The following MOV10L1 variants were observed in gnomAD, a reference collection of about 807,000 sequenced individuals.
MOV10L1 encodes the protein Mov10 like RNA helicase 1.
MOV10L1 carries 110 observed loss-of-function variants against 143.8 expected under a neutral mutation model. The ratio of observed to expected loss-of-function variants is 0.76; its 90% CI spans 0.66 to 0.90. MOV10L1 has a LOEUF of 0.90. MOV10L1 is among the 40% of genes least tolerant of loss of function. The pLI, the probability that MOV10L1 is intolerant of heterozygous loss-of-function variation, is 0.00. For synonymous variants in MOV10L1, 593 were observed against 581.1 expected (o/e 1.02, Z -0.29); for missense variants, 1,406 against 1,526.8 (o/e 0.92, Z 1.32).
chr22:50,103,084 A>C (rs1429455922), intron 3 of MOV10L1, among the ~76,000 whole-genome samples: 2 of 152,118 alleles, frequency 1.3e-5, no homozygotes, highest in African/African-American at 2.4e-5. Context: ...GGCCTGGGTC[A>C]GGTTCTGTCC....
intron 8 of MOV10L1, 147 bp downstream of exon 8, chr22:50,115,393 C>T (rs1602198416): frequency 5.5e-6 from 5 of 904,512 alleles, no homozygotes; most frequent in Admixed American, 3.7e-5. Flanking sequence ...GGCGAAACCC[C>T]GCCTCTACTA....
rs113864153 is a variant in MOV10L1 at position 50,161,537 on chromosome 22, T to TA, written c.*88_*89insA. 34 of 1,309,236 alleles carry TA rather than the reference T, an allele frequency of 2.6e-5. 1 individual carries two copies. The African/African-American group carries it at 3.5e-4, about 14-fold the overall frequency. The allele number at this position is 1,309,236 out of a possible 1,614,324, so 81.1% of individuals were successfully genotyped here. A position where few individuals can be genotyped will look rare whatever the true frequency, so the allele number is the denominator to read the frequency against. ...GCTCCGTGGCTCCTGTGGCCTGCCC[T>TA]TGTCTCGCAGCCAGGCAGGGTCGTG... On this transcript the variant is annotated 3_prime_UTR_variant, in exon 27 of 27. Transcript: ENST00000262794.
At chr22:50,144,271 G>A (rs377269872) in intron 18 of MOV10L1, 28 bp downstream of exon 18, 2 of 1,576,684 alleles carry the variant, frequency 1.3e-6, no homozygotes, top group East Asian at 2.3e-5. Context: ...GCAGTGGGGG[G>A]CACCAGAACC....
chr22:50,131,063 A>ATTTT, intron 13 of MOV10L1, among the ~76,000 whole-genome samples: 1 of 128,110 alleles, frequency 7.8e-6, no homozygotes, highest in Non-Finnish European at 1.6e-5. Flanking sequence ...CGCCCGGCTA[A>ATTTT]TTTTTTTTTT....
intron 3 of MOV10L1, among the ~76,000 whole-genome samples, chr22:50,100,344 T>C (rs1025438295): frequency 6.6e-6 from 1 of 152,140 alleles, no homozygotes; most frequent in African/African-American, 2.4e-5. Context: ...ATTTGTTAAA[T>C]GCAGTCAGTA....
chr22:50,125,512 G>A lies in MOV10L1; in HGVS notation c.1690G>A (p.Asp564Asn). 1 of 1,614,198 alleles carries A rather than the reference G, an allele frequency of 6.2e-7. No individual in the cohort carries two copies. Residue 564 changes from aspartate (D) to asparagine (N), a missense_variant, in exon 11 of 27, where the codon GAT (aspartate) becomes AAT (asparagine). By Grantham distance (23) the Asp-to-Asn change is conservative. Transcript: ENST00000262794. ...CGGGATCATCTTAAGAAGGAATGGGGATCTGCTGGTTCTGGAGGTCCCAGG... is the reference window on the plus strand; with the variant it reads ...CGGGATCATCTTAAGAAGGAATGGGAATCTGCTGGTTCTGGAGGTCCCAGG... ...MSGIILRRNG[D>N]LLVLEVPGLA... is the part of the protein sequence containing the mutation.
chr22:50,150,934 G>T, intron 21 of MOV10L1, 35 bp downstream of exon 21: 1 of 1,612,836 alleles, frequency 6.2e-7, no homozygotes. Context: ...CAGGTCCCCA[G>T]CTAAGCAGAC....
intron 10 of MOV10L1, among the ~76,000 whole-genome samples, chr22:50,122,792 TA>T (rs778056601): frequency 0.024 from 2,552 of 107,992 alleles, 26 homozygotes; most frequent in Middle Eastern, 0.06. Flanking sequence ...TTTATTTATT[TA>T]TTTATTTTTG....
chr22:50,146,978 G>C, intron 19 of MOV10L1: 11 of 1,334,142 alleles, frequency 8.2e-6, no homozygotes, highest in Non-Finnish European at 1.2e-5. Flanking sequence ...AGCCGTGTGT[G>C]GCTACCGGAT....
At chr22:50,099,917 C>G (rs2062694412) in intron 3 of MOV10L1, among the ~76,000 whole-genome samples, 1 of 152,186 alleles carries the variant, frequency 6.6e-6, no homozygotes, top group South Asian at 2.1e-4. Flanking sequence ...GTGCTGGCTT[C>G]ACACAGAGGC....
rs778408195 is a variant in MOV10L1, at chr22:50,159,805, G to A, written c.3324+20G>A. 5.1e-5 allele frequency: 78 copies of A among 1,528,914 alleles called. No individual in the cohort carries two copies. In the Admixed American group the frequency reaches 7.1e-4, roughly 14 times the overall value. The allele number at this position is 1,528,914 out of a possible 1,614,324, so 94.7% of individuals were successfully genotyped here. On this transcript the variant is annotated intron_variant, in intron 24 of 26. Transcript: ENST00000262794. The surrounding 1 kb of genome is among the most constrained non-coding windows in gnomAD (Gnocchi z 4.1). The stretch of plus-strand genomic sequence containing the variant: ...TCGACCGTAGGTATCCCTGTTCTCC[G>A]TGGGGATGGACAGTCAGGTGCTTGC...
At chr22:50,131,192 G>A (rs998142051) in intron 13 of MOV10L1, among the ~76,000 whole-genome samples, 4 of 151,838 alleles carry the variant, frequency 2.6e-5, no homozygotes, top group Admixed American at 6.6e-5. Context: ...ACAGGTGTGG[G>A]CCACCACACC....
At chr22:50,122,415 CT>C (rs1278327995) in intron 10 of MOV10L1, among the ~76,000 whole-genome samples, 1 of 152,192 alleles carries the variant, frequency 6.6e-6, no homozygotes, top group Non-Finnish European at 1.5e-5. Flanking sequence ...TGCTACTTTG[CT>C]GAATTTATTT....
chr22:50,144,830 C>T lies in MOV10L1; in HGVS notation c.2505+587C>T, dbSNP rs551577113. On this transcript the variant is annotated intron_variant, in intron 18 of 26. Transcript: ENST00000262794. ...TCTCCTGACCTCATGATCTGCCCGC[C>T]TCGGCCTCCCAAAGTGCTGGGATTA... 5.9e-5 allele frequency among the ~76,000 whole-genome samples: 9 copies of T among 152,292 alleles called. No individual in the cohort carries two copies. In the South Asian group the frequency reaches 1.9e-3, roughly 32 times the overall value.
chr22:50,134,693 C>T lies in MOV10L1; in HGVS notation c.2070+63C>T, dbSNP rs1427551562. Reference sequence around the variant, plus strand: ...TGGCTCAGCGACGTGGCTGTCTTTACATAGGGGGTGGCTCAGCGGCGTGAC... The same window carrying T: ...TGGCTCAGCGACGTGGCTGTCTTTATATAGGGGGTGGCTCAGCGGCGTGAC... On this transcript the variant is annotated intron_variant, in intron 15 of 26. Coordinates refer to ENST00000262794, the MANE Select transcript of MOV10L1 (RefSeq NM_018995.3). 2.1e-6 allele frequency: 3 copies of T among 1,442,854 alleles called. No homozygotes were observed. In the Admixed American group the frequency reaches 5.0e-5, roughly 24 times the overall value. 89.4% of individuals were successfully genotyped at this position (1,442,854 alleles called of 1,614,324 possible).
Position 50,114,435 on chromosome 22 carries a change from T to TA in MOV10L1, c.942dup (p.Ser315IlefsTer2). 1 of 1,614,214 alleles carries TA rather than the reference T, an allele frequency of 6.2e-7. No individual in the cohort carries two copies. The stretch of plus-strand genomic sequence containing the variant: ...TCAGCTGTAAACTGGCTGGCTGGGA[T>TA]AAATCTAAACAATTCAGATTCCAAA... On this transcript the variant is annotated frameshift_variant, in exon 7 of 27. Transcript: ENST00000262794. LOFTEE classifies it high-confidence loss of function.
chr22:50,114,681 G>C, intron 7 of MOV10L1, 59 bp downstream of exon 7: 1 of 1,594,332 alleles, frequency 6.3e-7, no homozygotes, highest in South Asian at 1.1e-5. Context: ...CCGTGGGGTT[G>C]TGAGTTCTGG....
rs1314050141 is a variant in MOV10L1, at chr22:50,152,178, G to A, written c.2893-867G>A. On this transcript the variant is annotated intron_variant, in intron 21 of 26. Coordinates refer to ENST00000262794, the MANE Select transcript of MOV10L1 (RefSeq NM_018995.3). The surrounding 1 kb of genome is among the most constrained non-coding windows in gnomAD (Gnocchi z 4.4). The stretch of plus-strand genomic sequence containing the variant: ...GGAACACAGGTTTTCACCAACAGGG[G>A]CTTTGTTAACTCATCCCAAGGAGGG... Among the ~76,000 whole-genome samples the A allele has an allele frequency of 1.3e-5, 2 of 152,242 alleles. No homozygotes were observed. Among genetic ancestry groups the A allele is most frequent in the Non-Finnish European group, 2.9e-5 (2 of 68,042 alleles).
At chr22:50,160,042 G>A (rs2063515528) in intron 24 of MOV10L1, among the ~76,000 whole-genome samples, 1 of 152,090 alleles carries the variant, frequency 6.6e-6, no homozygotes, top group South Asian at 2.1e-4. Context: ...GGAGAAGGAG[G>A]GACACGAAGT....
Sources: gnomAD v4.1 joint callset for allele counts (sites outside exome capture counted in the v4.1 genomes callset) on GRCh38, gnomAD v4.1.1 for gene constraint, Gnocchi (gnomAD v3.1) non-coding constraint, MANE v1.5 for transcripts, NCBI Gene and HGNC (gene_info 2026-07-23, HGNC 2026-07-21) for gene names.